The following MAPK8IP1 variants were observed in gnomAD, a reference collection of about 807,000 sequenced individuals.
MAPK8IP1 encodes the protein C-Jun-amino-terminal kinase-interacting protein 1.
In MAPK8IP1, 17 loss-of-function variants were observed where a neutral mutation model predicts 72.6. The ratio of observed to expected loss-of-function variants is 0.23; its 90% CI spans 0.16 to 0.35. The LOEUF is 0.35. Among genes scored for constraint, MAPK8IP1 ranks in the 10% least tolerant of loss-of-function variants. The pLI is 1.00. For missense variants in MAPK8IP1, 789 were observed against 1,009.7 expected, an observed-to-expected ratio of 0.78 and a Z score of 2.96; for synonymous variants, 401 against 443.4, an observed-to-expected ratio of 0.90 and a Z score of 1.20.
chr11:45,894,637 A>G (rs1222467849), intron 1 of MAPK8IP1, among the ~76,000 whole-genome samples: 1 of 152,192 alleles, frequency 6.6e-6, no homozygotes, highest in African/African-American at 2.4e-5. Context: ...TCCAGCCTGC[A>G]GTTCGAGAGG....
At position 45,902,078 on chromosome 11, in the gene MAPK8IP1, T is replaced by C; in HGVS notation, c.604+17T>C. ...TGAAGACAGGTAAGTCAGGGCCCTC[T>C]TCCTTACCTGGACCTCCGCCTGCCC... On this transcript the variant is annotated intron_variant, in intron 4 of 11. Transcript: ENST00000241014. This position sits in a 1 kb window ranked among gnomAD's most constrained non-coding sequence, Gnocchi z 9.3. 6.2e-7 allele frequency: 1 copy of C among 1,604,398 alleles called. No homozygotes were observed. The highest frequency in any genetic ancestry group is 8.5e-7 in the Non-Finnish European group (1 of 1,171,210).
At chr11:45,896,589 C>CGGCA (rs2086607485) in intron 1 of MAPK8IP1, 1 of 1,288,084 alleles carries the variant, frequency 7.8e-7, no homozygotes, top group African/African-American at 1.5e-5. Context: ...GCGGCCACAG[C>CGGCA]GGCAGCAGCG....
At chr11:45,893,008 C>T (rs538003664) in intron 1 of MAPK8IP1, among the ~76,000 whole-genome samples, 8 of 152,302 alleles carry the variant, frequency 5.3e-5, no homozygotes, top group South Asian at 2.1e-4. Flanking sequence ...CTGGACCACA[C>T]GTGCCCTCTG....
chr11:45,891,402 G>A (rs2086565025), intron 1 of MAPK8IP1, among the ~76,000 whole-genome samples: 1 of 152,232 alleles, frequency 6.6e-6, no homozygotes, highest in Non-Finnish European at 1.5e-5. Flanking sequence ...GTTGCTTGCA[G>A]TGCCTCTTTA....
chr11:45,906,379 A>T lies in MAPK8IP1; in HGVS notation c.*658A>T. Reference sequence around the variant, plus strand: ...CCGCAAGGCCCTGTCCCAGCAGAAGAGGGAGGCTTCCTGACTGACACAGGC... The same window carrying T: ...CCGCAAGGCCCTGTCCCAGCAGAAGTGGGAGGCTTCCTGACTGACACAGGC... On this transcript the variant is annotated 3_prime_UTR_variant, in exon 12 of 12. Transcript: ENST00000241014. The T allele has an allele frequency of 1.5e-6, 1 of 645,438 alleles. No individual in the cohort carries two copies. The allele number at this position is 645,438 out of a possible 1,614,324, so 40.0% of individuals were successfully genotyped here.
rs1016797326 is a variant in MAPK8IP1 at position 45,904,297 on chromosome 11, G to A, written c.1666+136G>A. The stretch of plus-strand genomic sequence containing the variant: ...GGAAGTGATTTTAGGTCCTTTTCAC[G>A]ATCAAGCAAAGTGAGGCCCGGCCAA... On this transcript the variant is annotated intron_variant, in intron 7 of 11. Transcript: ENST00000241014. This position sits in a 1 kb window ranked among gnomAD's most constrained non-coding sequence, Gnocchi z 6.4. 1.4e-4 allele frequency: 172 copies of A among 1,252,018 alleles called. No individual in the cohort carries two copies. Among genetic ancestry groups the A allele is most frequent in the Middle Eastern group, 2.4e-4 (1 of 4,144 alleles). 77.6% of individuals were successfully genotyped at this position (1,252,018 alleles called of 1,614,324 possible). A position where few individuals can be genotyped will look rare whatever the true frequency, so the allele number is the denominator to read the frequency against.
chr11:45,898,885 C>G (rs1040531009), intron 2 of MAPK8IP1, among the ~76,000 whole-genome samples: 5 of 152,178 alleles, frequency 3.3e-5, no homozygotes, highest in Non-Finnish European at 7.4e-5. Context: ...CTTTTCAGAA[C>G]AGGAAGAAGG....
intron 1 of MAPK8IP1, among the ~76,000 whole-genome samples, chr11:45,887,109 C>G (rs1210702313): frequency 1.3e-5 from 2 of 152,180 alleles, no homozygotes; most frequent in African/African-American, 4.8e-5. Flanking sequence ...TGAGACTCCA[C>G]CTGGCATGGT....
intron 11 of MAPK8IP1, 25 bp downstream of exon 11, chr11:45,905,274 C>G (rs1213032492): frequency 1.2e-6 from 2 of 1,600,574 alleles, no homozygotes; most frequent in Non-Finnish European, 1.7e-6. Context: ...TGCTGAGCAC[C>G]CAGCCCGAGG....
At chr11:45,895,631 AAAAT>A (rs1272414519) in intron 1 of MAPK8IP1, among the ~76,000 whole-genome samples, 2,730 of 34,268 alleles carry the variant, frequency 0.08, 80 homozygotes, top group African/African-American at 0.15. Flanking sequence ...AAAAAAAAAA[AAAAT>A]ATATATATAT....
At chr11:45,896,832 G>A (rs763630293) in intron 1 of MAPK8IP1, 2 of 1,547,364 alleles carry the variant, frequency 1.3e-6, no homozygotes, top group Non-Finnish European at 1.7e-6. Flanking sequence ...CCGGGCATGA[G>A]AGGGCAGCCC....
At chr11:45,886,026 A>C in intron 1 of MAPK8IP1, 105 bp downstream of exon 1, 9 of 651,684 alleles carry the variant, frequency 1.4e-5, no homozygotes, top group South Asian at 3.0e-5. Context: ...CCGGGAACGA[A>C]AGGGCTGCGT....
At position 45,902,487 on chromosome 11, in the gene MAPK8IP1, C is replaced by T; in HGVS notation, c.720C>T (p.Ser240=). The change falls in exon 5 of 12, where the codon AGC becomes AGT. Residue 240 remains serine, a synonymous_variant. Coordinates refer to ENST00000241014, the MANE Select transcript of MAPK8IP1 (RefSeq NM_005456.4). The surrounding 1 kb of genome is among the most constrained non-coding windows in gnomAD (Gnocchi z 9.3). Reference sequence around the variant, plus strand: ...CCACCGACAGCCCTTGCCGCCGCAGCACAGCCACCCAGATGGCACCTCCGG... The same window carrying T: ...CCACCGACAGCCCTTGCCGCCGCAGTACAGCCACCCAGATGGCACCTCCGG... ...GTSTDSPCRR[S]TATQMAPPGG... is the part of the protein sequence containing the mutation. The T allele has an allele frequency of 6.2e-7, 1 of 1,606,862 alleles. No individual in the cohort carries two copies. The highest frequency in any genetic ancestry group is 8.5e-7 in the Non-Finnish European group (1 of 1,177,370).
intron 3 of MAPK8IP1, 114 bp from the exon 4 acceptor site, chr11:45,901,866 G>A (rs556471659): frequency 4.4e-4 from 358 of 818,578 alleles, no homozygotes; most frequent in Middle Eastern, 4.2e-3. Flanking sequence ...CAGTGGAGGC[G>A]GGGTGGACAC....
chr11:45,901,930 C>T (rs763682011), intron 3 of MAPK8IP1, 50 bp from the exon 4 acceptor site: 30 of 1,445,444 alleles, frequency 2.1e-5, no homozygotes, highest in South Asian at 1.3e-4. Flanking sequence ...CTCCCTGTGC[C>T]GGGCACTGTT....
chr11:45,896,602 AG>A, intron 1 of MAPK8IP1: 3 of 1,317,860 alleles, frequency 2.3e-6, no homozygotes, highest in Non-Finnish European at 2.9e-6. Context: ...CAGCAGCGCA[AG>A]GGCCAGGCCA....
chr11:45,905,207 T>C lies in MAPK8IP1; in HGVS notation c.2021T>C (p.Phe674Ser). The change falls in exon 11 of 12, where the codon TTT (phenylalanine) becomes TCT (serine). Residue 674 changes from phenylalanine (F) to serine (S), a missense_variant. Phe to Ser is a radical substitution (Grantham distance 155). Transcript: ENST00000241014. ...GACCACCGGTTTGCCTGCCACGTCT[T>C]TGTGTCTGAAGACTCCACCAAAGCC... ...PADHRFACHV[F>S]VSEDSTKALA... 1 of 1,612,984 alleles carries C rather than the reference T, an allele frequency of 6.2e-7. No homozygotes were observed. Among genetic ancestry groups the C allele is most frequent in the Non-Finnish European group, 8.5e-7 (1 of 1,180,010 alleles).
chr11:45,899,903 G>A (rs972303604), intron 2 of MAPK8IP1, among the ~76,000 whole-genome samples: 2 of 152,182 alleles, frequency 1.3e-5, no homozygotes, highest in Non-Finnish European at 2.9e-5. Context: ...GGAGTCCGGG[G>A]TGGGGACTGT....
chr11:45,905,113 G>A lies in MAPK8IP1; in HGVS notation c.1965-38G>A, dbSNP rs370458925. ...GCCTTGAGGTGGGTGGGTGTGGGCC[G>A]AGCCCCCGTCCCAGCACAGACAGAC... On this transcript the variant is annotated intron_variant, in intron 10 of 11. Coordinates refer to ENST00000241014, the MANE Select transcript of MAPK8IP1 (RefSeq NM_005456.4). 6.4e-5 allele frequency: 103 copies of A among 1,611,866 alleles called. No individual in the cohort carries two copies. In the African/African-American group the frequency reaches 1.1e-3, roughly 17 times the overall value.
Sources: allele counts gnomAD v4.1 joint callset (sites outside exome capture counted in the v4.1 genomes callset), GRCh38; gene constraint gnomAD v4.1.1; non-coding constraint Gnocchi (gnomAD v3.1); transcripts MANE v1.5; gene names NCBI Gene and HGNC (gene_info 2026-07-23, HGNC 2026-07-21).